ARHGAP19: variants seen among roughly 807,000 people sequenced by gnomAD.
ARHGAP19 encodes the protein Rho GTPase activating protein 19.
ARHGAP19 carries 48 observed loss-of-function variants against 60.9 expected under a neutral mutation model. The ratio of observed to expected loss-of-function variants is 0.79; its 90% CI spans 0.62 to 1.00. ARHGAP19 has a LOEUF of 1.00. Ranked by LOEUF, ARHGAP19 falls within the 50% of genes least tolerant of loss-of-function variation. The pLI, the probability that ARHGAP19 is intolerant of heterozygous loss-of-function variation, is 0.00. For missense variants in ARHGAP19, 562 were observed against 597.2 expected, an observed-to-expected ratio of 0.94 and a Z score of 0.61; for synonymous variants, 209 against 215.5, an observed-to-expected ratio of 0.97 and a Z score of 0.27.
intron 1 of ARHGAP19, among the ~76,000 whole-genome samples, chr10:97,280,413 A>G (rs1843068794): frequency 6.6e-6 from 1 of 151,984 alleles, no homozygotes; most frequent in Non-Finnish European, 1.5e-5. Context: ...CATCTCAAAA[A>G]TAATAATAAT....
intron 8 of ARHGAP19, among the ~76,000 whole-genome samples, chr10:97,243,623 CA>C (rs1261106311): frequency 6.6e-6 from 1 of 152,164 alleles, no homozygotes; most frequent in Non-Finnish European, 1.5e-5. Context: ...ATTTTACAAA[CA>C]AAACTGAAAT....
chr10:97,243,666 G>A (rs538658519), intron 8 of ARHGAP19, among the ~76,000 whole-genome samples: 4 of 152,146 alleles, frequency 2.6e-5, no homozygotes, highest in Non-Finnish European at 2.9e-5. Context: ...AAAATCTGGA[G>A]GGTTTAAACT....
rs913564011 is a variant in ARHGAP19, at chr10:97,274,156, A to C, written c.57-8031T>G. On this transcript the variant is annotated intron_variant, in intron 1 of 11. Coordinates refer to ENST00000358531, the MANE Select transcript of ARHGAP19 (RefSeq NM_032900.6). ...TTACCTTTTGTGGACAGTGATTAAG[A>C]GGCATGAAGGTATGAAAGAGTTCCT... is the stretch of plus-strand genomic sequence containing the variant. 3.9e-5 allele frequency among the ~76,000 whole-genome samples: 6 copies of C among 152,166 alleles called. No individual in the cohort carries two copies. In the East Asian group the frequency reaches 1.2e-3, roughly 29 times the overall value.
intron 1 of ARHGAP19, among the ~76,000 whole-genome samples, chr10:97,283,942 CT>C (rs1056291340): frequency 8.1e-6 from 1 of 122,970 alleles, no homozygotes; most frequent in Non-Finnish European, 1.7e-5. Context: ...CTTTTTTTTT[CT>C]TTTTTTTAGA....
chr10:97,248,561 A>AAAT (rs1302215602), intron 6 of ARHGAP19, among the ~76,000 whole-genome samples: 4 of 152,168 alleles, frequency 2.6e-5, no homozygotes, highest in Non-Finnish European at 5.9e-5. Context: ...AAATGTTTTA[A>AAAT]TCTATTTCTT....
chr10:97,282,849 T>C (rs1190087844), intron 1 of ARHGAP19, among the ~76,000 whole-genome samples: 1 of 146,094 alleles, frequency 6.8e-6, no homozygotes, highest in African/African-American at 2.5e-5. Context: ...CTTTTTTTTT[T>C]TTTTTTTTTT....
chr10:97,290,352 G>A (rs1021380154), intron 1 of ARHGAP19, among the ~76,000 whole-genome samples: 3 of 152,148 alleles, frequency 2.0e-5, no homozygotes, highest in Admixed American at 6.5e-5. Context: ...TGCCACTCCC[G>A]ATCGTGCTAA....
chr10:97,228,031 C>G (rs754895996), intron 11 of ARHGAP19, among the ~76,000 whole-genome samples: 1 of 152,138 alleles, frequency 6.6e-6, no homozygotes, highest in Non-Finnish European at 1.5e-5. Flanking sequence ...CATGGACATA[C>G]AGAAATATTT....
At chr10:97,272,158 C>G (rs1842968024) in intron 1 of ARHGAP19, among the ~76,000 whole-genome samples, 1 of 83,882 alleles carries the variant, frequency 1.2e-5, no homozygotes, top group Non-Finnish European at 2.1e-5. Flanking sequence ...TTTTTTCAGA[C>G]AGAGTCTCAC....
intron 4 of ARHGAP19, among the ~76,000 whole-genome samples, chr10:97,259,992 C>T (rs539043129): frequency 1.4e-4 from 21 of 151,886 alleles, no homozygotes; most frequent in African/African-American, 4.6e-4. Context: ...CCCGCCACCA[C>T]GCCCGGCTAA....
chr10:97,225,778 C>T lies in ARHGAP19; in HGVS notation c.*344G>A, dbSNP rs1850883766. The T allele has an allele frequency of 4.2e-6, 1 of 239,224 alleles. No homozygotes were observed. Among genetic ancestry groups the T allele is most frequent in the Non-Finnish European group, 8.0e-6 (1 of 125,262 alleles). 14.8% of individuals were successfully genotyped at this position (239,224 alleles called of 1,614,324 possible). ...TTTTAAAAAATTACTGGCAGTTGAG[C>T]ACACATTTCATATTTTTTTTCAAAA... is the stretch of plus-strand genomic sequence containing the variant. On this transcript the variant is annotated 3_prime_UTR_variant, in exon 12 of 12. Coordinates refer to ENST00000358531, the MANE Select transcript of ARHGAP19 (RefSeq NM_032900.6).
intron 6 of ARHGAP19, among the ~76,000 whole-genome samples, chr10:97,248,311 G>A (rs10882880): frequency 0.49 from 75,133 of 151,832 alleles, 20,767 homozygotes; most frequent in East Asian, 0.72. Flanking sequence ...CTACTCGAGA[G>A]GCTGAGGTGG....
At chr10:97,253,089 C>A (rs1362462516) in intron 6 of ARHGAP19, among the ~76,000 whole-genome samples, 2 of 151,946 alleles carry the variant, frequency 1.3e-5, no homozygotes, top group African/African-American at 4.8e-5. Flanking sequence ...ATATGTAGGA[C>A]CTAAAAAGTG....
In ARHGAP19 at chr10:97,274,301, T is replaced by C. The variant is rs922787322; in HGVS notation, c.57-8176A>G. ...CAACATGGTGAAACCCCGTCTCTAC[T>C]AAAAAATACAAAAATTAGCAGGGCA... On this transcript the variant is annotated intron_variant, in intron 1 of 11. Transcript: ENST00000358531. 3.3e-5 allele frequency among the ~76,000 whole-genome samples: 5 copies of C among 151,938 alleles called. No homozygotes were observed. The East Asian group carries it at 7.8e-4, about 24-fold the overall frequency.
At chr10:97,272,128 T>C (rs1039088371) in intron 1 of ARHGAP19, among the ~76,000 whole-genome samples, 3 of 131,076 alleles carry the variant, frequency 2.3e-5, no homozygotes, top group East Asian at 2.2e-4. Context: ...GTGGGAAATA[T>C]GTCTTTTTTT....
chr10:97,270,088 T>C (rs921917515), intron 1 of ARHGAP19, among the ~76,000 whole-genome samples: 2 of 152,086 alleles, frequency 1.3e-5, no homozygotes, highest in African/African-American at 4.8e-5. Context: ...CTACTACTTA[T>C]AAGGAATACA....
rs869291841 is a variant in ARHGAP19, at chr10:97,231,059, CAAAAAAAAAAAAAAA to C, written c.1285-1200_1285-1186del. On this transcript the variant is annotated intron_variant, in intron 9 of 11. Transcript: ENST00000358531. ...ACACCTAGTGAGACTCTTGTCTCAC[CAAAAAAAAAAAAAAA>C]AAAAAAAAAAAAAAAGACTAACACA... 1.1e-3 allele frequency among the ~76,000 whole-genome samples: 67 copies of C among 59,760 alleles called. 2 individuals are homozygous for C. Among genetic ancestry groups the C allele is most frequent in the Middle Eastern group, 0.028 (2 of 72 alleles). The allele number at this position is 59,760 out of a possible 152,430, so 39.2% of individuals were successfully genotyped here.
At chr10:97,244,239 A>G in intron 7 of ARHGAP19, 80 bp from the exon 8 acceptor site, 1 of 1,203,470 alleles carries the variant, frequency 8.3e-7, no homozygotes, top group Non-Finnish European at 1.2e-6. Flanking sequence ...CCTGGAACAA[A>G]AAAAGGGAGA....
At position 97,244,002 on chromosome 10, in the gene ARHGAP19, G is replaced by A. The variant is rs550503057; in HGVS notation, c.1151C>T (p.Pro384Leu). The A allele has an allele frequency of 1.2e-6, 2 of 1,611,986 alleles. No homozygotes were observed. The highest frequency in any genetic ancestry group is 1.3e-5 in the African/African-American group (1 of 74,912). The part of the protein sequence containing the change: ...RELFQHVHDM[P>L]ESAKKKQLIR... ...AAGTTGTTTCTTCTTTGCTGACTCT[G>A]GCATATCATGAACGTGTTGAAACAG... Residue 384 changes from proline (P) to leucine (L), a missense_variant, in exon 8 of 12, where the codon CCA becomes CTA. Pro to Leu is a moderately conservative substitution (Grantham distance 98, BLOSUM62 -3). Coordinates refer to ENST00000358531, the MANE Select transcript of ARHGAP19 (RefSeq NM_032900.6).
Sources: gnomAD v4.1 joint callset for allele counts (sites outside exome capture counted in the v4.1 genomes callset) on GRCh38, gnomAD v4.1.1 for gene constraint, MANE v1.5 for transcripts, NCBI Gene and HGNC (gene_info 2026-07-23, HGNC 2026-07-21) for gene names.